PPFIA1: variants seen among roughly 807,000 people sequenced by gnomAD.
PPFIA1 encodes liprin-alpha-1.
In PPFIA1, 25 loss-of-function variants were observed where a neutral mutation model predicts 149.9. The observed-to-expected ratio is 0.17, with a 90% confidence interval of 0.12 to 0.23. The LOEUF is 0.23. Ranked by LOEUF, PPFIA1 falls within the 10% of genes least tolerant of loss-of-function variation. The pLI is 1.00. For missense variants in PPFIA1, 1,362 were observed against 1,506.5 expected (o/e 0.90, Z 1.59); for synonymous variants, 549 against 552.8 (o/e 0.99, Z 0.10).
rs1211655196 is a variant in PPFIA1 at position 70,349,985 on chromosome 11, C to T, written c.2163+1565C>T. ...CCCATCAGTCAGTAGTTTACTCATC[C>T]ACCTCCCCTCCCAGTTCCACCCCAT... On this transcript the variant is annotated intron_variant, in intron 16 of 27. Coordinates refer to ENST00000253925, the MANE Select transcript of PPFIA1 (RefSeq NM_003626.5). The T allele has an allele frequency of 6.2e-5, 28 of 454,672 alleles. No individual in the cohort carries two copies. The Admixed American group carries it at 6.7e-4, about 11-fold the overall frequency. The allele number at this position is 454,672 out of a possible 1,614,324, so 28.2% of individuals were successfully genotyped here.
At chr11:70,301,574 T>C (rs1204765312) in intron 2 of PPFIA1, among the ~76,000 whole-genome samples, 1 of 152,182 alleles carries the variant, frequency 6.6e-6, no homozygotes, top group African/African-American at 2.4e-5. Flanking sequence ...ATTAGACAAA[T>C]ATAGTTATTG....
chr11:70,306,630 C>T (rs968220191), intron 2 of PPFIA1, among the ~76,000 whole-genome samples: 15 of 152,056 alleles, frequency 9.9e-5, no homozygotes, highest in Admixed American at 6.5e-5. Flanking sequence ...TTTCTGATAA[C>T]GAATGTTTGG....
At chr11:70,378,271 C>T in intron 26 of PPFIA1, 76 bp downstream of exon 26, 1 of 1,515,854 alleles carries the variant, frequency 6.6e-7, no homozygotes, top group Non-Finnish European at 8.9e-7. Context: ...TAATAATGAT[C>T]TAAAACGGCC....
chr11:70,333,224 G>C, intron 9 of PPFIA1: 1 of 573,012 alleles, frequency 1.7e-6, no homozygotes, highest in Non-Finnish European at 3.3e-6. Context: ...GGGTTGGGGG[G>C]AAAACACCCA....
At chr11:70,327,870 C>G (rs1275058685) in intron 7 of PPFIA1, among the ~76,000 whole-genome samples, 1 of 152,150 alleles carries the variant, frequency 6.6e-6, no homozygotes. Context: ...CGCTTTGTCC[C>G]TTGTCAGGCG....
At chr11:70,342,475 A>G (rs1184040855) in intron 14 of PPFIA1, among the ~76,000 whole-genome samples, 1 of 152,138 alleles carries the variant, frequency 6.6e-6, no homozygotes, top group Non-Finnish European at 1.5e-5. Flanking sequence ...TGACATACAT[A>G]ATGCCTCAGT....
At chr11:70,335,470 A>G (rs1315832318) in intron 10 of PPFIA1, 93 bp from the exon 11 acceptor site, 9 of 1,456,922 alleles carry the variant, frequency 6.2e-6, no homozygotes, top group Non-Finnish European at 8.4e-6. Context: ...AGGGGAGGGC[A>G]CACATGGGGC....
In PPFIA1 at chr11:70,383,135, T is replaced by G; in HGVS notation, c.*145T>G. 2.7e-6 allele frequency: 1 copy of G among 366,074 alleles called. No homozygotes were observed. The allele number at this position is 366,074 out of a possible 1,614,324, so 22.7% of individuals were successfully genotyped here. Reference sequence around the variant, plus strand: ...CCCTAAGATATTTTATTACAGAGTTTTTAATTAGTGAAAAATTCATGAATA... The same window carrying G: ...CCCTAAGATATTTTATTACAGAGTTGTTAATTAGTGAAAAATTCATGAATA... On this transcript the variant is annotated 3_prime_UTR_variant, in exon 28 of 28. Coordinates refer to ENST00000253925, the MANE Select transcript of PPFIA1 (RefSeq NM_003626.5).
intron 2 of PPFIA1, among the ~76,000 whole-genome samples, chr11:70,296,652 A>G (rs59873314): frequency 0.22 from 33,412 of 149,646 alleles, 5,747 homozygotes; most frequent in African/African-American, 0.48. Flanking sequence ...GCTTCGGCTC[A>G]GCATCAGAGG....
chr11:70,326,497 T>C lies in PPFIA1; in HGVS notation c.709-100T>C, dbSNP rs1387148993. On this transcript the variant is annotated intron_variant, in intron 6 of 27. Coordinates refer to ENST00000253925, the MANE Select transcript of PPFIA1 (RefSeq NM_003626.5). ...CATGAAAGTTGTGTAATCCAACAGA[T>C]TGCATAAGTCAGTTTTGATTTTAGC... 20 of 1,281,714 alleles carry C rather than the reference T, an allele frequency of 1.6e-5. No individual in the cohort carries two copies. In the Admixed American group the frequency reaches 2.7e-4, roughly 17 times the overall value. 79.4% of individuals were successfully genotyped at this position (1,281,714 alleles called of 1,614,324 possible). A position where few individuals can be genotyped will look rare whatever the true frequency, so the allele number is the denominator to read the frequency against.
intron 2 of PPFIA1, among the ~76,000 whole-genome samples, chr11:70,322,754 T>C (rs1021698736): frequency 6.6e-6 from 1 of 152,226 alleles, no homozygotes; most frequent in African/African-American, 2.4e-5. Flanking sequence ...TAAAATATAC[T>C]AAGATAAAAC....
intron 21 of PPFIA1, chr11:70,371,454 G>GGAT: frequency 1.8e-4 from 1 of 5,492 alleles, no homozygotes; most frequent in Non-Finnish European, 4.2e-4. Flanking sequence ...GTTGGGTGGC[G>GGAT]TGTTCTGTAT....
In PPFIA1 at chr11:70,343,773, A is replaced by G; in HGVS notation, c.1812A>G (p.Glu604=). 1 of 1,614,226 alleles carries G rather than the reference A, an allele frequency of 6.2e-7. No homozygotes were observed. Among genetic ancestry groups the G allele is most frequent in the Non-Finnish European group, 8.5e-7 (1 of 1,180,046 alleles). ...GTGATGCTGACGTGTCTGATGGTGA[A>G]GATGACAGGGACACTCTCCTCAGCT... ...FESDADVSDG[E]DDRDTLLSSV... The change falls in exon 15 of 28, where the codon GAA becomes GAG. Residue 604 remains glutamate (E), a synonymous_variant. Coordinates refer to ENST00000253925, the MANE Select transcript of PPFIA1 (RefSeq NM_003626.5).
At chr11:70,324,608 CT>C in intron 3 of PPFIA1, 105 bp downstream of exon 3, 1 of 997,622 alleles carries the variant, frequency 1.0e-6, no homozygotes, top group Non-Finnish European at 1.5e-6. Flanking sequence ...GCCTGAAATA[CT>C]TTTCATACCT....
chr11:70,381,969 G>A (rs757357248), intron 26 of PPFIA1, 119 bp from the exon 27 acceptor site: 6 of 820,420 alleles, frequency 7.3e-6, no homozygotes, highest in Non-Finnish European at 7.8e-6. Context: ...CTCCCCTCAG[G>A]TCCCTCCGTA....
rs1045192267 is a variant in PPFIA1 at position 70,300,440 on chromosome 11, G to T, written c.265-23962G>T. 2.0e-5 allele frequency among the ~76,000 whole-genome samples: 3 copies of T among 152,088 alleles called. No individual in the cohort carries two copies. In the East Asian group the frequency reaches 5.8e-4, roughly 29 times the overall value. ...GCTGGAGTACAGTGGCCCGATCTGGGCTCACTGCAGCCTCCGTCTCCTGGG... is the reference window on the plus strand; with the variant it reads ...GCTGGAGTACAGTGGCCCGATCTGGTCTCACTGCAGCCTCCGTCTCCTGGG... On this transcript the variant is annotated intron_variant, in intron 2 of 27. Transcript: ENST00000253925.
At chr11:70,342,936 C>CCTTT (rs2055426798) in intron 14 of PPFIA1, among the ~76,000 whole-genome samples, 4 of 78,172 alleles carry the variant, frequency 5.1e-5, no homozygotes, top group African/African-American at 1.2e-4. Context: ...AATGTACCAC[C>CCTTT]TTTTTTTTTT....
chr11:70,358,433 G>T (rs2056462563), intron 19 of PPFIA1: 1 of 152,118 alleles, frequency 6.6e-6, no homozygotes, highest in Non-Finnish European at 1.5e-5. Context: ...ATGTTGGCCA[G>T]GCTTGTTTCG....
At chr11:70,279,083 A>G (rs750352737) in intron 2 of PPFIA1, 1 of 509,248 alleles carries the variant, frequency 2.0e-6, no homozygotes. Context: ...CTTTTGACGC[A>G]TTTCTTGCCA....
Sources: allele counts gnomAD v4.1 joint callset (sites outside exome capture counted in the v4.1 genomes callset), GRCh38; gene constraint gnomAD v4.1.1; transcripts MANE v1.5; gene names NCBI Gene and HGNC (gene_info 2026-07-23, HGNC 2026-07-21).